The following FAM117A variants were observed in gnomAD, a reference collection of about 807,000 sequenced individuals.
FAM117A encodes protein FAM117A.
FAM117A carries 21 observed loss-of-function variants against 44.1 expected under a neutral mutation model. That is an observed-to-expected ratio of 0.48 (90% CI 0.34 to 0.69). The LOEUF is 0.69. Among genes scored for constraint, FAM117A ranks in the 30% least tolerant of loss-of-function variants. FAM117A has a pLI of 0.01. For missense variants in FAM117A, 498 were observed against 589.9 expected, an observed-to-expected ratio of 0.84 and a Z score of 1.61; for synonymous variants, 220 against 238.3, an observed-to-expected ratio of 0.92 and a Z score of 0.71.
At chr17:49,715,921 C>T (rs2073500669) in intron 7 of FAM117A, among the ~76,000 whole-genome samples, 1 of 152,186 alleles carries the variant, frequency 6.6e-6, no homozygotes, top group African/African-American at 2.4e-5. Context: ...TATTTTCTTT[C>T]CAGCTCCTGC....
intron 1 of FAM117A, among the ~76,000 whole-genome samples, chr17:49,752,469 A>G (rs1370304129): frequency 6.6e-6 from 1 of 152,136 alleles, no homozygotes; most frequent in Non-Finnish European, 1.5e-5. Flanking sequence ...CACCCCTGCC[A>G]TAGGAACGCA....
At chr17:49,784,791 G>T (rs1489214849) in intron 1 of FAM117A, among the ~76,000 whole-genome samples, 2 of 152,128 alleles carry the variant, frequency 1.3e-5, no homozygotes, top group Non-Finnish European at 2.9e-5. Flanking sequence ...ACAGTGTTTT[G>T]TAAGTGTGTG....
intron 1 of FAM117A, among the ~76,000 whole-genome samples, chr17:49,782,158 G>A (rs987175331): frequency 5.3e-4 from 81 of 151,498 alleles, no homozygotes; most frequent in Admixed American, 1.6e-3. Flanking sequence ...GGCGGATCAC[G>A]AGGTCAGGAG....
intron 4 of FAM117A, chr17:49,720,095 TGTAGAGTCATTG>T: frequency 1.4e-6 from 1 of 726,772 alleles, no homozygotes. Flanking sequence ...TACTGTGTGC[TGTAGAGTCATTG>T]CCTCAATTAT....
intron 1 of FAM117A, among the ~76,000 whole-genome samples, chr17:49,758,644 AAT>A (rs1432082678): frequency 6.4e-5 from 9 of 140,696 alleles, no homozygotes; most frequent in African/African-American, 2.3e-4. Flanking sequence ...AAATAAAATA[AAT>A]AAATAAATAA....
chr17:49,719,422 C>T (rs769611626), intron 5 of FAM117A, among the ~76,000 whole-genome samples: 18 of 152,274 alleles, frequency 1.2e-4, no homozygotes, highest in East Asian at 1.9e-4. Flanking sequence ...GGCACTGAGG[C>T]GCCCATGCCG....
At chr17:49,777,630 A>G (rs769569007) in intron 1 of FAM117A, among the ~76,000 whole-genome samples, 8 of 152,058 alleles carry the variant, frequency 5.3e-5, no homozygotes, top group Non-Finnish European at 1.0e-4. Flanking sequence ...CATGGCTCCA[A>G]GAAAAACTAT....
chr17:49,733,149 C>T (rs1460914379), intron 1 of FAM117A, among the ~76,000 whole-genome samples: 1 of 152,204 alleles, frequency 6.6e-6, no homozygotes, highest in Non-Finnish European at 1.5e-5. Flanking sequence ...CCTCCAGCAC[C>T]TTTGCAGGGC....
At chr17:49,721,352 G>C (rs1199432915) in intron 3 of FAM117A, among the ~76,000 whole-genome samples, 1 of 152,176 alleles carries the variant, frequency 6.6e-6, no homozygotes, top group African/African-American at 2.4e-5. Flanking sequence ...AATTCAGAGA[G>C]TAGATCTGCT....
At chr17:49,752,010 C>G (rs550564371) in intron 1 of FAM117A, among the ~76,000 whole-genome samples, 1 of 149,688 alleles carries the variant, frequency 6.7e-6, no homozygotes, top group Non-Finnish European at 1.5e-5. Flanking sequence ...AATCCCAGCA[C>G]TTTGGGAGGC....
At chr17:49,772,609 G>A (rs547322766) in intron 1 of FAM117A, among the ~76,000 whole-genome samples, 77 of 151,846 alleles carry the variant, frequency 5.1e-4, no homozygotes, top group Middle Eastern at 3.4e-3. Context: ...AAAATTAGCC[G>A]GGTGTGGTGG....
chr17:49,764,952 G>C (rs746017057), upstream of FAM117A, among the ~76,000 whole-genome samples: 3 of 152,122 alleles, frequency 2.0e-5, no homozygotes, highest in Non-Finnish European at 4.4e-5. Flanking sequence ...AGAGTGAAAG[G>C]AACAAAGCAA....
At chr17:49,775,729 C>T (rs577134031) in intron 1 of FAM117A, among the ~76,000 whole-genome samples, 1 of 152,272 alleles carries the variant, frequency 6.6e-6, no homozygotes, top group South Asian at 2.1e-4. Context: ...GCCTGGTAGT[C>T]TACAAAGTAG....
At position 49,720,340 on chromosome 17, in the gene FAM117A, G is replaced by A. The variant is rs199525619; in HGVS notation, c.559C>T (p.Arg187Trp). The change falls in exon 4 of 8, where the codon CGG becomes TGG. Residue 187 changes from arginine (R) to tryptophan (W), a missense_variant. Coordinates refer to ENST00000240364, the MANE Select transcript of FAM117A (RefSeq NM_030802.4). ...AGAAAACATACCCTCAGTGCTCCCC[G>A]CACTGCGTGGTCCCCTAGGAGTGGT... The part of the protein sequence containing the change: ...GSPLLGDHAV[R>W]GALRASPPSF... 68 of 1,613,222 alleles carry A rather than the reference G, an allele frequency of 4.2e-5. No individual in the cohort carries two copies. The highest frequency in any genetic ancestry group is 5.1e-5 in the Non-Finnish European group (60 of 1,179,540).
At chr17:49,729,283 T>G (rs1206751529) in intron 2 of FAM117A, among the ~76,000 whole-genome samples, 1 of 151,994 alleles carries the variant, frequency 6.6e-6, no homozygotes, top group African/African-American at 2.4e-5. Context: ...CTGACCTCAT[T>G]GCAAGGCATG....
intron 5 of FAM117A, chr17:49,718,041 G>T: frequency 5.3e-6 from 1 of 188,946 alleles, no homozygotes; most frequent in Non-Finnish European, 1.1e-5. Flanking sequence ...CTGTGCCCTG[G>T]GCTCTAGGAA....
intron 1 of FAM117A, among the ~76,000 whole-genome samples, chr17:49,736,982 T>C (rs2073613500): frequency 1.3e-5 from 2 of 152,230 alleles, no homozygotes; most frequent in African/African-American, 4.8e-5. Flanking sequence ...CATCTAATAT[T>C]TGAATAAAAT....
chr17:49,711,153 C>G lies in FAM117A; in HGVS notation c.*102G>C, dbSNP rs781643668. On this transcript the variant is annotated 3_prime_UTR_variant, in exon 8 of 8. Coordinates refer to ENST00000240364, the MANE Select transcript of FAM117A (RefSeq NM_030802.4). ...TAAGTGAAAGAAAGTGCTCGAAGGCCGAGAGGGAAGGGCCCCTCCATACCC... is the reference window on the plus strand; with the variant it reads ...TAAGTGAAAGAAAGTGCTCGAAGGCGGAGAGGGAAGGGCCCCTCCATACCC... 2.5e-6 allele frequency: 3 copies of G among 1,190,534 alleles called. No individual in the cohort carries two copies. The highest frequency in any genetic ancestry group is 3.5e-6 in the Non-Finnish European group (3 of 858,826). 73.7% of individuals were successfully genotyped at this position (1,190,534 alleles called of 1,614,324 possible).
chr17:49,754,774 C>A (rs2143774130), intron 1 of FAM117A, among the ~76,000 whole-genome samples: 1 of 152,136 alleles, frequency 6.6e-6, no homozygotes, highest in East Asian at 2.0e-4. Flanking sequence ...TGCAGTGGCT[C>A]ACACCTGTAA....
Sources: gnomAD v4.1 joint callset for allele counts (sites outside exome capture counted in the v4.1 genomes callset) on GRCh38, gnomAD v4.1.1 for gene constraint, MANE v1.5 for transcripts, NCBI Gene and HGNC (gene_info 2026-07-23, HGNC 2026-07-21) for gene names.